Variants in RANBP2 observed in about 807,000 individuals in gnomAD.
RANBP2 encodes the protein RAN binding protein 2.
In RANBP2, 57 loss-of-function variants were observed where a neutral mutation model predicts 303.6. The ratio of observed to expected loss-of-function variants is 0.19; its 90% CI spans 0.15 to 0.23. The LOEUF (loss-of-function observed/expected upper bound fraction) is 0.23. Ranked by LOEUF, RANBP2 falls within the 10% of genes least tolerant of loss-of-function variation. The probability of loss-of-function intolerance (pLI) is 1.00; values close to 1 mark genes in which losing one functional copy is unlikely to be tolerated. For missense variants in RANBP2, 3,138 were observed against 3,780.8 expected (o/e 0.83, Z 4.46); for synonymous variants, 1,167 against 1,301.5 (o/e 0.90, Z 2.23).
the RANBP2 span, among the ~76,000 whole-genome samples, chr2:109,562,911 CTTT>C: frequency 6.9e-6 from 1 of 145,822 alleles, no homozygotes; most frequent in Non-Finnish European, 1.5e-5. Context: ...ACACACAATG[CTTT>C]TTTTTTTTTT....
intron 20 of RANBP2, 38 bp downstream of exon 20, chr2:108,768,426 T>C (rs760338855): frequency 1.2e-6 from 2 of 1,608,114 alleles, no homozygotes; most frequent in South Asian, 1.1e-5. Context: ...ACAATTTTTC[T>C]TTCTTTTAAT....
chr2:108,831,468 C>A, the RANBP2 span, among the ~76,000 whole-genome samples: 1 of 151,880 alleles, frequency 6.6e-6, no homozygotes, highest in Non-Finnish European at 1.5e-5. Flanking sequence ...TCGGAAGAGG[C>A]TTGGTATTTA....
chr2:108,760,758 CAG>C (rs1363553393), intron 18 of RANBP2, among the ~76,000 whole-genome samples: 1 of 152,110 alleles, frequency 6.6e-6, no homozygotes, highest in East Asian at 1.9e-4. Flanking sequence ...TCACACAAAA[CAG>C]ATGGAGAAGA....
chr2:109,099,512 C>T, the RANBP2 span, among the ~76,000 whole-genome samples: 1 of 152,160 alleles, frequency 6.6e-6, no homozygotes, highest in Non-Finnish European at 1.5e-5. Flanking sequence ...AGGTGGCGTA[C>T]AGCAAGGCGT....
chr2:109,632,016 G>T, the RANBP2 span, among the ~76,000 whole-genome samples: 1 of 152,062 alleles, frequency 6.6e-6, no homozygotes, highest in East Asian at 1.9e-4. Context: ...GAGGAGGGGG[G>T]TCTGGAGGTT....
At chr2:109,291,280 C>CTTTTTTTTTTTTTT in the RANBP2 span, among the ~76,000 whole-genome samples, 1 of 137,272 alleles carries the variant, frequency 7.3e-6, no homozygotes. Context: ...AGAGTAATCT[C>CTTTTTTTTTTTTTT]TTTTTTTTTT....
chr2:108,944,393 C>T, the RANBP2 span, among the ~76,000 whole-genome samples: 12 of 152,322 alleles, frequency 7.9e-5, no homozygotes, highest in South Asian at 1.9e-3. Context: ...GGATTACAGG[C>T]GTGAACCACC....
chr2:109,764,849 GTC>G, the RANBP2 span, among the ~76,000 whole-genome samples: 3 of 121,850 alleles, frequency 2.5e-5, no homozygotes, highest in Non-Finnish European at 4.9e-5. Context: ...TACCTATACT[GTC>G]TCTTTTAAAG....
chr2:109,532,777 G>C, the RANBP2 span, among the ~76,000 whole-genome samples: 8 of 152,068 alleles, frequency 5.3e-5, 1 homozygote, highest in African/African-American at 1.7e-4. Flanking sequence ...TTGTAAGGAA[G>C]TTTAGACTTA....
At chr2:109,548,541 C>T in the RANBP2 span, among the ~76,000 whole-genome samples, 6 of 151,882 alleles carry the variant, frequency 4.0e-5, no homozygotes, top group East Asian at 1.9e-4. Context: ...TTTGGGAGGC[C>T]GAGGTGGGTG....
chr2:109,316,113 A>G, the RANBP2 span, among the ~76,000 whole-genome samples: 1 of 152,208 alleles, frequency 6.6e-6, no homozygotes, highest in Non-Finnish European at 1.5e-5. Flanking sequence ...GGAAAAACCT[A>G]AAGCTTTCAA....
the RANBP2 span, among the ~76,000 whole-genome samples, chr2:109,344,178 C>A: frequency 0.16 from 23,839 of 152,216 alleles, 1,969 homozygotes; most frequent in Middle Eastern, 0.23. Flanking sequence ...GTCCTGGGGT[C>A]ATCAGAGTGA....
At chr2:109,617,654 C>A in the RANBP2 span, 1 of 166,974 alleles carries the variant, frequency 6.0e-6, no homozygotes, top group Non-Finnish European at 1.5e-5. Context: ...CAGAGCAATT[C>A]ATAGAAAATG....
At chr2:109,534,050 G>A in the RANBP2 span, among the ~76,000 whole-genome samples, 24 of 152,208 alleles carry the variant, frequency 1.6e-4, no homozygotes, top group African/African-American at 5.8e-4. Flanking sequence ...TCCTTCTGTC[G>A]CCCAGCCTCA....
the RANBP2 span, among the ~76,000 whole-genome samples, chr2:109,327,134 C>CTA: frequency 3.3e-5 from 5 of 152,212 alleles, no homozygotes; most frequent in South Asian, 1.0e-3. Flanking sequence ...AAATCATTTC[C>CTA]TACCCTGGAG....
At chr2:108,840,486 A>G in the RANBP2 span, among the ~76,000 whole-genome samples, 1 of 152,174 alleles carries the variant, frequency 6.6e-6, no homozygotes, top group South Asian at 2.1e-4. Context: ...GTTTTAAATT[A>G]TGAATTTAAG....
the RANBP2 span, chr2:109,127,778 G>C: frequency 6.6e-6 from 1 of 152,234 alleles, no homozygotes; most frequent in Non-Finnish European, 1.5e-5. Context: ...GAGCCCAAGA[G>C]TTTGAGGCTG....
chr2:109,577,277 TATA>T, the RANBP2 span, among the ~76,000 whole-genome samples: 3 of 152,134 alleles, frequency 2.0e-5, no homozygotes, highest in Admixed American at 6.5e-5. Context: ...ATACTGGCCA[TATA>T]ATAATACCTC....
At chr2:109,497,331 C>G in the RANBP2 span, among the ~76,000 whole-genome samples, 6 of 152,154 alleles carry the variant, frequency 3.9e-5, no homozygotes, top group Non-Finnish European at 7.3e-5. Flanking sequence ...AAAAGGCTAC[C>G]ACATGGAGGG....
Sources: gnomAD v4.1 joint callset for allele counts (sites outside exome capture counted in the v4.1 genomes callset) on GRCh38, gnomAD v4.1.1 for gene constraint, MANE v1.5 for transcripts, NCBI Gene and HGNC (gene_info 2026-07-23, HGNC 2026-07-21) for gene names.